The following ACER1 variants were observed in gnomAD, a reference collection of about 807,000 sequenced individuals.
The protein encoded by ACER1 is alkaline ceramidase 1, also known as CTB-180A7.3.
ACER1 carries 28 observed loss-of-function variants against 24.9 expected under a neutral mutation model. The observed-to-expected ratio is 1.13, with a 90% CI of 0.83 to 1.54. The LOEUF is 1.54. Ranked by LOEUF, ACER1 falls within the 40% of genes most tolerant of loss-of-function variation. ACER1 has a pLI of 0.00. For synonymous variants in ACER1, 132 were observed against 131.4 expected (o/e 1.00, Z -0.03); for missense variants, 352 against 349.3 (o/e 1.01, Z -0.06).
the ACER1 span, among the ~76,000 whole-genome samples, chr19:6,351,676 T>TGAG: frequency 0.059 from 9,012 of 151,958 alleles, 391 homozygotes; most frequent in African/African-American, 0.12. Context: ...AAGACTGCAG[T>TGAG]GAGCTGTGAT....
At chr19:6,357,030 T>C in the ACER1 span, among the ~76,000 whole-genome samples, 7 of 150,758 alleles carry the variant, frequency 4.6e-5, no homozygotes, top group Admixed American at 2.0e-4. Context: ...AGGGATGACA[T>C]CTGAGCTGAG....
chr19:6,341,025 T>G, the ACER1 span, among the ~76,000 whole-genome samples: 1 of 151,978 alleles, frequency 6.6e-6, no homozygotes, highest in Admixed American at 6.6e-5. Flanking sequence ...TCCTGCCCCG[T>G]CCAGTGTCTA....
chr19:6,341,779 C>T, the ACER1 span, among the ~76,000 whole-genome samples: 1 of 152,100 alleles, frequency 6.6e-6, no homozygotes, highest in Non-Finnish European at 1.5e-5. Context: ...CAGGCACCCG[C>T]CACCATGCCC....
In ACER1 at chr19:6,309,784, A is replaced by T; in HGVS notation, c.401T>A (p.Leu134Gln). The T allele has an allele frequency of 1.2e-6, 2 of 1,614,130 alleles. No individual in the cohort carries two copies. The highest frequency in any genetic ancestry group is 1.7e-6 in the Non-Finnish European group (2 of 1,180,008). Residue 134 changes from leucine to glutamine, a missense_variant, in exon 4 of 6, where the codon CTG becomes CAG. Transcript: ENST00000301452. ...GTTGACCGTGGGCCGCAGGAAGGAC[A>T]GAAGGGTGCTGACCACAGTGGTGAT... ...VFITTVVSTL[L>Q]SFLRPTVNAY...
At chr19:6,341,947 GCTTT>G in the ACER1 span, among the ~76,000 whole-genome samples, 2 of 152,050 alleles carry the variant, frequency 1.3e-5, no homozygotes, top group South Asian at 2.1e-4. Context: ...TTTAATACTT[GCTTT>G]CTATTTATTT....
chr19:6,346,519 C>CTTTT, the ACER1 span, among the ~76,000 whole-genome samples: 2 of 130,954 alleles, frequency 1.5e-5, no homozygotes, highest in South Asian at 2.5e-4. Flanking sequence ...TTTTTCTTTT[C>CTTTT]TTTTTTTTTT....
the ACER1 span, chr19:6,353,482 T>C: frequency 1.3e-5 from 2 of 150,744 alleles, no homozygotes; most frequent in Non-Finnish European, 2.9e-5. Flanking sequence ...AAAATAAAAA[T>C]AAATAAATAA....
At chr19:6,345,068 C>T in the ACER1 span, among the ~76,000 whole-genome samples, 4 of 151,612 alleles carry the variant, frequency 2.6e-5, no homozygotes, top group African/African-American at 7.3e-5. Flanking sequence ...GGTTTCACCA[C>T]GTTGGCCAGG....
chr19:6,356,062 G>A, the ACER1 span, among the ~76,000 whole-genome samples: 3 of 151,514 alleles, frequency 2.0e-5, no homozygotes, highest in South Asian at 2.1e-4. Context: ...TTGAGAAATC[G>A]GATGGTTGCC....
the ACER1 span, among the ~76,000 whole-genome samples, chr19:6,343,070 C>A: frequency 4.6e-5 from 7 of 152,258 alleles, 1 homozygote; most frequent in Middle Eastern, 6.8e-3. Flanking sequence ...AGTCACCGCA[C>A]CCAGCCAAAA....
chr19:6,341,169 C>T, the ACER1 span, among the ~76,000 whole-genome samples: 6 of 149,970 alleles, frequency 4.0e-5, no homozygotes, highest in African/African-American at 1.5e-4. Context: ...GGCGCGATCT[C>T]GGCTCACTGT....
intron 1 of ACER1, among the ~76,000 whole-genome samples, chr19:6,324,860 AAAGGAAGGAAGGAAGGAAGG>A (rs775468275): frequency 1.8e-4 from 18 of 100,338 alleles, no homozygotes; most frequent in African/African-American, 5.4e-4. Flanking sequence ...AGAGAGAGAG[AAAGGAAGGAAGGAAGGAAGG>A]AAGGAAGGAA....
chr19:6,313,623 T>G (rs1244649906), intron 1 of ACER1, among the ~76,000 whole-genome samples: 1 of 152,210 alleles, frequency 6.6e-6, no homozygotes, highest in Admixed American at 6.5e-5. Context: ...GCTTGCCCCC[T>G]TTCCTCTTCC....
chr19:6,344,543 C>T, the ACER1 span, among the ~76,000 whole-genome samples: 10 of 151,918 alleles, frequency 6.6e-5, 1 homozygote, highest in South Asian at 2.1e-3. Context: ...TACAGGCACC[C>T]ACAACCATAC....
intron 3 of ACER1, among the ~76,000 whole-genome samples, chr19:6,311,586 A>G (rs185868525): frequency 4.0e-5 from 6 of 150,674 alleles, no homozygotes; most frequent in African/African-American, 1.2e-4. Context: ...GAAAAAGAAG[A>G]AGGAGGAGGC....
At chr19:6,356,999 T>C in the ACER1 span, among the ~76,000 whole-genome samples, 1 of 151,400 alleles carries the variant, frequency 6.6e-6, no homozygotes, top group Admixed American at 6.6e-5. Flanking sequence ...TTAGCAAAGG[T>C]GTTCAGGGAA....
At chr19:6,334,344 G>A (rs367659695), upstream of ACER1, among the ~76,000 whole-genome samples, 22 of 150,426 alleles carry the variant, frequency 1.5e-4, no homozygotes, top group Non-Finnish European at 2.8e-4. Context: ...CACCGTGCCC[G>A]GCCTTTTTTT....
Position 6,309,730 on chromosome 19 carries a change from T to G in ACER1, c.455A>C (p.His152Pro), listed in dbSNP as rs1406229326. Residue 152 changes from histidine to proline, a missense_variant, in exon 4 of 6, where the codon CAC (histidine) becomes CCC (proline). Physicochemically the swap from His to Pro is moderately conservative, Grantham distance 77. Coordinates refer to ENST00000301452, the MANE Select transcript of ACER1 (RefSeq NM_133492.3). ...CTCCTGGCACACGATGTAGAGAATGTGCAGGGCAATGCTGTTGAGGGCGTA... is the reference window on the plus strand; with the variant it reads ...CTCCTGGCACACGATGTAGAGAATGGGCAGGGCAATGCTGTTGAGGGCGTA... ...NAYALNSIAL[H>P]ILYIVCQEYR... is the part of the protein sequence containing the mutation. 3 of 1,613,898 alleles carry G rather than the reference T, an allele frequency of 1.9e-6. No homozygotes were observed. Among genetic ancestry groups the G allele is most frequent in the Non-Finnish European group, 1.7e-6 (2 of 1,179,982 alleles).
intron 1 of ACER1, among the ~76,000 whole-genome samples, chr19:6,325,962 T>TGTTTTA (rs2091659084): frequency 6.6e-6 from 1 of 151,982 alleles, no homozygotes; most frequent in Non-Finnish European, 1.5e-5. Flanking sequence ...TTTTTGTTTT[T>TGTTTTA]GTTTTATTTT....
Sources: allele counts gnomAD v4.1 joint callset (sites outside exome capture counted in the v4.1 genomes callset), GRCh38; gene constraint gnomAD v4.1.1; transcripts MANE v1.5; gene names NCBI Gene and HGNC (gene_info 2026-07-23, HGNC 2026-07-21).